ZNF425: variants seen among roughly 807,000 people sequenced by gnomAD.
ZNF425 encodes zinc finger protein 425.
ZNF425 carries 21 observed loss-of-function variants against 17.0 expected under a neutral mutation model. The observed-to-expected ratio is 1.23, with a 90% CI of 0.88 to 1.78. ZNF425 has a LOEUF of 1.78. ZNF425 is among the 40% of genes most tolerant of loss of function. ZNF425 has a pLI of 0.00. For synonymous variants in ZNF425, 433 were observed against 384.1 expected (o/e 1.13, Z -1.49); for missense variants, 868 against 967.3 (o/e 0.90, Z 1.36).
intron 1 of ZNF425, among the ~76,000 whole-genome samples, chr7:149,122,947 A>G (rs149677743): frequency 0.036 from 5,531 of 152,130 alleles, 325 homozygotes; most frequent in African/African-American, 0.13. Context: ...TACCCACCTC[A>G]ACCTCCCAAA....
Position 149,103,496 on chromosome 7 carries a change from G to A in ZNF425, c.*116C>T. 1.5e-6 allele frequency: 2 copies of A among 1,328,590 alleles called. No homozygotes were observed. The highest frequency in any genetic ancestry group is 2.0e-6 in the Non-Finnish European group (2 of 997,156). The allele number at this position is 1,328,590 out of a possible 1,614,324, so 82.3% of individuals were successfully genotyped here. The stretch of plus-strand genomic sequence containing the variant: ...GCCTCCCAAAGTAATGGGATTACAG[G>A]CGGGAGCCACTGTGCCCGATCTTAC... On this transcript the variant is annotated 3_prime_UTR_variant, in exon 4 of 4. Coordinates refer to ENST00000378061, the MANE Select transcript of ZNF425 (RefSeq NM_001001661.3).
At position 149,104,109 on chromosome 7, in the gene ZNF425, C is replaced by T; in HGVS notation, c.1762G>A (p.Asp588Asn). Reference sequence around the variant, plus strand: ...TGAGACTGATGCGTGTAGGTCTTGTCACACTCACCGCACGCGAAGGGCTTC... The same window carrying T: ...TGAGACTGATGCGTGTAGGTCTTGTTACACTCACCGCACGCGAAGGGCTTC... ...DEKPFACGEC[D>N]KTYTHQSQLT... Residue 588 changes from aspartate to asparagine, a missense_variant, in exon 4 of 4, where the codon GAC (aspartate) becomes AAC (asparagine). Physicochemically the swap from Asp to Asn is conservative, Grantham distance 23. Around this residue, in one of 5 missense-constraint regions of ZNF425, gnomAD observed 437 missense variants for 444.2 expected, o/e 0.98. Coordinates refer to ENST00000378061, the MANE Select transcript of ZNF425 (RefSeq NM_001001661.3). The surrounding 1 kb of genome is among the most constrained non-coding windows in gnomAD (Gnocchi z 4.3). 6.2e-7 allele frequency: 1 copy of T among 1,612,462 alleles called. No individual in the cohort carries two copies. Among genetic ancestry groups the T allele is most frequent in the East Asian group, 2.2e-5 (1 of 44,844 alleles).
At chr7:149,105,605 T>A in intron 3 of ZNF425, 39 bp from the exon 4 acceptor site, 1 of 1,452,234 alleles carries the variant, frequency 6.9e-7, no homozygotes, top group Non-Finnish European at 9.1e-7. Context: ...CAGTGATATG[T>A]CTACCCTATA....
intron 3 of ZNF425, among the ~76,000 whole-genome samples, chr7:149,108,254 A>AT (rs959834241): frequency 6.6e-6 from 1 of 152,000 alleles, no homozygotes; most frequent in Non-Finnish European, 1.5e-5. Context: ...CCATGTTGGC[A>AT]TTTTTTAATC....
intron 1 of ZNF425, among the ~76,000 whole-genome samples, chr7:149,119,698 T>C (rs1400433970): frequency 6.6e-6 from 1 of 152,132 alleles, no homozygotes; most frequent in Non-Finnish European, 1.5e-5. Flanking sequence ...GGAAGACTGC[T>C]TGAGCTCAAG....
At chr7:149,112,926 A>G (rs528127675) in intron 2 of ZNF425, among the ~76,000 whole-genome samples, 2 of 150,752 alleles carry the variant, frequency 1.3e-5, no homozygotes, top group East Asian at 1.9e-4. Context: ...CGGCCTCCCA[A>G]AGTGCTGGGA....
At chr7:149,112,517 C>A in intron 2 of ZNF425, 1 of 401,908 alleles carries the variant, frequency 2.5e-6, no homozygotes, top group Non-Finnish European at 4.4e-6. Context: ...CTTGTAATAC[C>A]AGCTACTCGG....
At chr7:149,123,048 G>A (rs556679000) in intron 1 of ZNF425, among the ~76,000 whole-genome samples, 1 of 152,130 alleles carries the variant, frequency 6.6e-6, no homozygotes, top group Admixed American at 6.6e-5. Flanking sequence ...CATTTTATGT[G>A]AACTCATGTT....
rs748306426 is a variant in ZNF425, at chr7:149,118,340, C to T, written c.27G>A (p.Val9=). The stretch of plus-strand genomic sequence containing the variant: ...AATATAAGGCCACATCATCAAATGT[C>T]ACAGTTACCTGGAATCACAAATAGT... The part of the protein sequence containing the change: MAEPASVT[V]TFDDVALYFS... The change falls in exon 2 of 4, where the codon GTG becomes GTA. Residue 9 remains valine (V), a synonymous_variant. Transcript: ENST00000378061. 6 of 1,614,172 alleles carry T rather than the reference C, an allele frequency of 3.7e-6. No homozygotes were observed. In the South Asian group the frequency reaches 6.6e-5, roughly 18 times the overall value.
intron 3 of ZNF425, among the ~76,000 whole-genome samples, chr7:149,107,835 C>T (rs962106772): frequency 2.7e-4 from 37 of 138,052 alleles, no homozygotes; most frequent in Admixed American, 1.2e-3. Flanking sequence ...AACTCTCTCC[C>T]ATTTATTTAT....
chr7:149,104,877 A>G lies in ZNF425; in HGVS notation c.994T>C (p.Cys332Arg). The G allele has an allele frequency of 1.9e-6, 3 of 1,613,654 alleles. No homozygotes were observed. Among genetic ancestry groups the G allele is most frequent in the Non-Finnish European group, 2.5e-6 (3 of 1,179,954 alleles). ...CGGAAGCACCGGTCACACTGCGGAC[A>G]CTGGAAGGGCTTCTCTCCGCTGTGC... The part of the protein sequence containing the change: ...RLHSGEKPFQ[C>R]PQCDRCFRLK... Residue 332 changes from cysteine (C) to arginine (R), a missense_variant, in exon 4 of 4, where the codon TGT becomes CGT. Coordinates refer to ENST00000378061, the MANE Select transcript of ZNF425 (RefSeq NM_001001661.3). This position sits in a 1 kb window ranked among gnomAD's most constrained non-coding sequence, Gnocchi z 4.3.
chr7:149,125,452 G>A (rs957802134), intron 1 of ZNF425, among the ~76,000 whole-genome samples: 2 of 152,148 alleles, frequency 1.3e-5, no homozygotes, highest in East Asian at 3.9e-4. Context: ...TAGAGGGAGC[G>A]GTCTCCAATT....
rs904150914 is a variant in ZNF425, at chr7:149,105,232, G to C, written c.639C>G (p.Ser213=). The change falls in exon 4 of 4, where the codon TCC becomes TCG. Residue 213 remains serine (S), a synonymous_variant. Coordinates refer to ENST00000378061, the MANE Select transcript of ZNF425 (RefSeq NM_001001661.3). Reference sequence around the variant, plus strand: ...TTGGGTATCTGCAGAGCTGGCTCTTGGAGTGGCTCCGTTTGTGCTTTAGCA... The same window carrying C: ...TTGGGTATCTGCAGAGCTGGCTCTTCGAGTGGCTCCGTTTGTGCTTTAGCA... ...RDLLKHKRSH[S]KSQLCRYPKY... 6.2e-6 allele frequency: 10 copies of C among 1,614,092 alleles called. No homozygotes were observed. Among genetic ancestry groups the C allele is most frequent in the Middle Eastern group, 1.6e-4 (1 of 6,084 alleles).
intron 3 of ZNF425, 184 bp downstream of exon 3, chr7:149,111,953 A>T: frequency 3.9e-6 from 2 of 512,226 alleles, no homozygotes; most frequent in Non-Finnish European, 3.4e-6. Context: ...AAGTGCTGAG[A>T]TTACAGGCAT....
At chr7:149,125,956 G>A (rs954299711) in intron 1 of ZNF425, 100 of 758,960 alleles carry the variant, frequency 1.3e-4, no homozygotes, top group Non-Finnish European at 1.9e-4. Context: ...CCGAGTGGCC[G>A]GGGCCACAGA....
Position 149,125,908 on chromosome 7 carries a change from G to A in ZNF425, c.18+288C>T, listed in dbSNP as rs1182730989. On this transcript the variant is annotated intron_variant, in intron 1 of 3. Coordinates refer to ENST00000378061, the MANE Select transcript of ZNF425 (RefSeq NM_001001661.3). ...ACGGACCTAGCGCATATACAGCGCA[G>A]AGCTCCCGGGCTCAAGCGCTGCTCC... The A allele has an allele frequency of 1.3e-5, 8 of 596,548 alleles. 1 individual carries two copies. The highest frequency in any genetic ancestry group is 1.9e-5 in the South Asian group (1 of 51,538). The allele number at this position is 596,548 out of a possible 1,614,324, so 37.0% of individuals were successfully genotyped here.
chr7:149,113,045 C>T (rs1201497304), intron 2 of ZNF425, among the ~76,000 whole-genome samples: 3 of 144,132 alleles, frequency 2.1e-5, no homozygotes, highest in East Asian at 4.1e-4. Context: ...GGTGCGATCT[C>T]GGCTCACTGC....
At chr7:149,110,440 C>T (rs975795419) in intron 3 of ZNF425, among the ~76,000 whole-genome samples, 4 of 151,582 alleles carry the variant, frequency 2.6e-5, no homozygotes, top group African/African-American at 9.7e-5. Context: ...GTTGTGGGTG[C>T]CTGTAATCCC....
At chr7:149,109,212 G>T (rs971751850) in intron 3 of ZNF425, among the ~76,000 whole-genome samples, 13 of 151,750 alleles carry the variant, frequency 8.6e-5, no homozygotes, top group Non-Finnish European at 1.5e-4. Context: ...TCAGTAGCTG[G>T]GACTACAGGC....
Sources: gnomAD v4.1 joint callset for allele counts (sites outside exome capture counted in the v4.1 genomes callset) on GRCh38, gnomAD v4.1.1 for gene constraint, gnomAD v4.1.1 regional missense constraint, Gnocchi (gnomAD v3.1) non-coding constraint, MANE v1.5 for transcripts, NCBI Gene and HGNC (gene_info 2026-07-23, HGNC 2026-07-21) for gene names.